Variants in SNTB1 observed in about 807,000 individuals in gnomAD.
SNTB1 encodes the protein beta-1-syntrophin.
Under a neutral mutation model 48.9 loss-of-function variants are expected in SNTB1, and 36 were observed. The observed-to-expected ratio is 0.74, with a 90% CI of 0.56 to 0.97. SNTB1 has a LOEUF of 0.97. Among genes scored for constraint, SNTB1 ranks in the 50% least tolerant of loss-of-function variants. The pLI is 0.00. For missense variants in SNTB1, 786 were observed against 703.4 expected (o/e 1.12, Z -1.33); for synonymous variants, 299 against 294.6 (o/e 1.01, Z -0.15).
chr8:120,729,783 C>T (rs1008666354), intron 1 of SNTB1, among the ~76,000 whole-genome samples: 2 of 152,210 alleles, frequency 1.3e-5, no homozygotes, highest in African/African-American at 4.8e-5. Flanking sequence ...AATTTACCAT[C>T]GACCTCACAG....
chr8:120,793,753 C>T (rs979948330), intron 1 of SNTB1, among the ~76,000 whole-genome samples: 1 of 151,894 alleles, frequency 6.6e-6, no homozygotes, highest in Admixed American at 6.6e-5. Flanking sequence ...TTTAAAAATC[C>T]TATTTATTTA....
chr8:120,739,672 T>C (rs1053388266), intron 1 of SNTB1, among the ~76,000 whole-genome samples: 10 of 152,192 alleles, frequency 6.6e-5, no homozygotes, highest in African/African-American at 2.4e-4. Context: ...GTGTTTGGAC[T>C]GGGGAATTAA....
chr8:120,781,501 A>C (rs1819829371), intron 1 of SNTB1, among the ~76,000 whole-genome samples: 1 of 151,722 alleles, frequency 6.6e-6, no homozygotes, highest in Non-Finnish European at 1.5e-5. Flanking sequence ...AGATATTTGA[A>C]TTTAGACTCA....
At chr8:120,713,524 G>A (rs1381246668) in intron 1 of SNTB1, among the ~76,000 whole-genome samples, 2 of 152,202 alleles carry the variant, frequency 1.3e-5, no homozygotes, top group African/African-American at 4.8e-5. Context: ...GAGGTCAGGA[G>A]TTCAAGACCA....
At chr8:120,610,712 G>C (rs554529604) in intron 3 of SNTB1, among the ~76,000 whole-genome samples, 1 of 152,238 alleles carries the variant, frequency 6.6e-6, no homozygotes, top group Non-Finnish European at 1.5e-5. Context: ...GCCTACTTCC[G>C]GGATCTCGCA....
intron 3 of SNTB1, among the ~76,000 whole-genome samples, chr8:120,619,657 C>T (rs530630137): frequency 3.9e-5 from 6 of 152,258 alleles, no homozygotes; most frequent in African/African-American, 1.4e-4. Flanking sequence ...TTTACTCTAC[C>T]ATTTACGGTA....
At chr8:120,557,806 A>G (rs1330939255) in intron 4 of SNTB1, among the ~76,000 whole-genome samples, 1 of 152,244 alleles carries the variant, frequency 6.6e-6, no homozygotes, top group Non-Finnish European at 1.5e-5. Flanking sequence ...CTGCATGAAT[A>G]CATGTTTTTC....
At chr8:120,566,088 C>T (rs1301862229) in intron 4 of SNTB1, among the ~76,000 whole-genome samples, 1 of 151,918 alleles carries the variant, frequency 6.6e-6, no homozygotes, top group Non-Finnish European at 1.5e-5. Flanking sequence ...ACAAAATTAG[C>T]CGGTGTCTCT....
chr8:120,648,531 C>G (rs1326196230), intron 2 of SNTB1, among the ~76,000 whole-genome samples: 8 of 152,168 alleles, frequency 5.3e-5, no homozygotes, highest in South Asian at 2.1e-4. Flanking sequence ...TCTGCCGAGA[C>G]ATCTGCTGTT....
intron 1 of SNTB1, among the ~76,000 whole-genome samples, chr8:120,745,737 C>A (rs1010217257): frequency 1.3e-5 from 2 of 152,102 alleles, no homozygotes; most frequent in African/African-American, 4.8e-5. Flanking sequence ...CCCACCCAAA[C>A]CATAGTGAAT....
chr8:120,655,908 T>C (rs1471101390), intron 2 of SNTB1, among the ~76,000 whole-genome samples: 1 of 152,092 alleles, frequency 6.6e-6, no homozygotes, highest in East Asian at 1.9e-4. Context: ...CACCCCACTT[T>C]TAGGTAGAGC....
chr8:120,729,368 T>C lies in SNTB1; in HGVS notation c.572-35460A>G, dbSNP rs924551546. Among the ~76,000 whole-genome samples the C allele has an allele frequency of 2.0e-5, 3 of 152,246 alleles. No individual in the cohort carries two copies. The East Asian group carries it at 5.8e-4, about 29-fold the overall frequency. ...CAAAATATTTATTAACAGGTCTGTA[T>C]GTGCTGGACACTCTTTAAAGAAAAT... On this transcript the variant is annotated intron_variant, in intron 1 of 6. Coordinates refer to ENST00000517992, the MANE Select transcript of SNTB1 (RefSeq NM_021021.4).
chr8:120,768,019 T>C (rs1324122058), intron 1 of SNTB1, among the ~76,000 whole-genome samples: 2 of 152,174 alleles, frequency 1.3e-5, no homozygotes, highest in Non-Finnish European at 2.9e-5. Context: ...TTTCTGTGGC[T>C]CAGATTTTAA....
chr8:120,718,336 C>T lies in SNTB1; in HGVS notation c.572-24428G>A, dbSNP rs1202592962. Among the ~76,000 whole-genome samples the T allele has an allele frequency of 3.3e-5, 5 of 152,266 alleles. No homozygotes were observed. In the East Asian group the frequency reaches 5.8e-4, roughly 18 times the overall value. ...AGGGGCAGGGCAAGGATAGAGCTTGCGAGCTGAGCTGTCCACACATGTGAG... is the reference window on the plus strand; with the variant it reads ...AGGGGCAGGGCAAGGATAGAGCTTGTGAGCTGAGCTGTCCACACATGTGAG... On this transcript the variant is annotated intron_variant, in intron 1 of 6. Coordinates refer to ENST00000517992, the MANE Select transcript of SNTB1 (RefSeq NM_021021.4).
At chr8:120,654,405 C>T (rs1390352914) in intron 2 of SNTB1, among the ~76,000 whole-genome samples, 1 of 152,142 alleles carries the variant, frequency 6.6e-6, no homozygotes, top group African/African-American at 2.4e-5. Context: ...GTTGAACTGA[C>T]CACTGCTTGA....
chr8:120,778,597 A>C (rs1168771906), intron 1 of SNTB1, among the ~76,000 whole-genome samples: 1 of 152,226 alleles, frequency 6.6e-6, no homozygotes, highest in Non-Finnish European at 1.5e-5. Flanking sequence ...GAAAGACATA[A>C]TATGACTGAA....
At chr8:120,775,531 G>A (rs907894123) in intron 1 of SNTB1, 2 of 152,006 alleles carry the variant, frequency 1.3e-5, no homozygotes, top group Non-Finnish European at 2.9e-5. Flanking sequence ...CTAGCAGTAA[G>A]TATAAAACCA....
chr8:120,732,959 A>G (rs1345786523), intron 1 of SNTB1, among the ~76,000 whole-genome samples: 7 of 152,260 alleles, frequency 4.6e-5, no homozygotes, highest in Non-Finnish European at 1.0e-4. Flanking sequence ...GATAAAACAC[A>G]TCTGTTGCAA....
intron 2 of SNTB1, among the ~76,000 whole-genome samples, chr8:120,639,244 T>C (rs1366580423): frequency 1.5e-4 from 23 of 152,220 alleles, no homozygotes; most frequent in Admixed American, 1.4e-3. Flanking sequence ...GGGTTGTTTT[T>C]TTCTTGTAAA....
Sources: gnomAD v4.1 joint callset for allele counts (sites outside exome capture counted in the v4.1 genomes callset) on GRCh38, gnomAD v4.1.1 for gene constraint, MANE v1.5 for transcripts, NCBI Gene and HGNC (gene_info 2026-07-23, HGNC 2026-07-21) for gene names.